The following PHKB variants were observed in gnomAD, a reference collection of about 807,000 sequenced individuals.
The protein encoded by PHKB is phosphorylase b kinase regulatory subunit beta.
A neutral mutation model predicts 152.1 loss-of-function variants in PHKB; 122 were observed. That is an observed-to-expected ratio of 0.80 (90% CI 0.69 to 0.93). The LOEUF is 0.93. PHKB is among the 40% of genes least tolerant of loss of function. PHKB has a pLI of 0.00. For missense variants in PHKB, 1,304 were observed against 1,328.4 expected, an observed-to-expected ratio of 0.98 and a Z score of 0.29; for synonymous variants, 436 against 464.9, an observed-to-expected ratio of 0.94 and a Z score of 0.80.
chr16:47,558,563 G>C (rs1266645212), intron 7 of PHKB, among the ~76,000 whole-genome samples: 2 of 152,020 alleles, frequency 1.3e-5, no homozygotes, highest in Admixed American at 1.3e-4. Context: ...TGTTTTTGTT[G>C]TTTTGAGACA....
chr16:47,589,563 A>G (rs781491874), intron 10 of PHKB, among the ~76,000 whole-genome samples: 8 of 152,146 alleles, frequency 5.3e-5, no homozygotes, highest in Non-Finnish European at 1.0e-4. Context: ...AGGCCATTCC[A>G]TCTTCCCTTA....
intron 1 of PHKB, among the ~76,000 whole-genome samples, chr16:47,489,708 C>A (rs541802573): frequency 1.3e-5 from 2 of 152,144 alleles, no homozygotes; most frequent in African/African-American, 2.4e-5. Context: ...ACAAGAACTG[C>A]GTAGGCAATG....
chr16:47,594,096 T>G, intron 11 of PHKB, 41 bp from the exon 12 acceptor site: 1 of 1,046,532 alleles, frequency 9.6e-7, no homozygotes, highest in Non-Finnish European at 1.5e-6. Context: ...GAGATCCTTA[T>G]TAAGCTCAGC....
intron 1 of PHKB, among the ~76,000 whole-genome samples, chr16:47,493,824 CAAAGTTTA>C (rs1970189268): frequency 6.6e-6 from 1 of 152,052 alleles, no homozygotes. Context: ...TTTCAAAGAC[CAAAGTTTA>C]AACTATAGAA....
intron 20 of PHKB, 129 bp from the exon 21 acceptor site, chr16:47,660,377 T>G (rs1973418461): frequency 1.4e-6 from 1 of 730,934 alleles, no homozygotes; most frequent in Non-Finnish European, 2.4e-6. Flanking sequence ...TAAGAATTGC[T>G]TCAGAATTGT....
intron 16 of PHKB, among the ~76,000 whole-genome samples, chr16:47,647,744 G>A (rs542135647): frequency 8.6e-5 from 13 of 150,798 alleles, no homozygotes; most frequent in South Asian, 2.1e-4. Context: ...TGATCTGCCC[G>A]CCTCGGCTTC....
Position 47,660,764 on chromosome 16 carries a change from TC to T in PHKB, c.2142del (p.Asn715ThrfsTer17). 1 of 1,614,104 alleles carries T rather than the reference TC, an allele frequency of 6.2e-7. No individual in the cohort carries two copies. The highest frequency in any genetic ancestry group is 1.7e-5 in the Admixed American group (1 of 60,022). ...SAPELGQQPD[V>X]NISEWKDKPT... ...CCTGAACTGGGACAGCAGCCGGATG[TC>T]AACATTAGTGAATGGAAGGACAAAC... On this transcript the variant is annotated frameshift_variant, in exon 22 of 31. Coordinates refer to ENST00000323584, the MANE Select transcript of PHKB (RefSeq NM_000293.3). LOFTEE classifies it high-confidence loss of function.
At chr16:47,599,023 T>C in intron 13 of PHKB, 1 of 744,938 alleles carries the variant, frequency 1.3e-6, no homozygotes, top group Non-Finnish European at 2.3e-6. Flanking sequence ...AACGATTCGA[T>C]CAACACATGA....
intron 6 of PHKB, among the ~76,000 whole-genome samples, chr16:47,531,492 G>A (rs972938482): frequency 2.6e-5 from 4 of 152,044 alleles, no homozygotes; most frequent in Admixed American, 6.6e-5. Flanking sequence ...GATACATTGA[G>A]TGTATTTATT....
intron 7 of PHKB, among the ~76,000 whole-genome samples, chr16:47,569,978 C>T (rs918786381): frequency 1.3e-5 from 2 of 152,176 alleles, no homozygotes; most frequent in Non-Finnish European, 2.9e-5. Context: ...TAGAGCTGGC[C>T]TACTGGTGAC....
chr16:47,576,645 G>A (rs543877764), intron 7 of PHKB, among the ~76,000 whole-genome samples: 4 of 152,218 alleles, frequency 2.6e-5, no homozygotes, highest in East Asian at 1.9e-4. Context: ...CAACTCTGGC[G>A]CATACACATT....
chr16:47,507,317 A>AT (rs376295915), intron 4 of PHKB, among the ~76,000 whole-genome samples: 283 of 148,000 alleles, frequency 1.9e-3, no homozygotes, highest in Middle Eastern at 7.1e-3. Flanking sequence ...AAGGATTATC[A>AT]TTTTTTTTTT....
rs562357382 is a variant in PHKB, at chr16:47,625,941, C to T, written c.1458+15021C>T. 3.5e-3 allele frequency among the ~76,000 whole-genome samples: 537 copies of T among 152,246 alleles called. 1 individual carries two copies. Among genetic ancestry groups the T allele is most frequent in the Non-Finnish European group, 6.1e-3 (414 of 68,026 alleles). ...CCCTCAAAGTACCCATTAAGAGCAT[C>T]GTATTTAATATCCTACTGAAGTCCT... On this transcript the variant is annotated intron_variant, in intron 14 of 30. Coordinates refer to ENST00000323584, the MANE Select transcript of PHKB (RefSeq NM_000293.3).
chr16:47,490,156 G>C (rs1407851916), intron 1 of PHKB, among the ~76,000 whole-genome samples: 1 of 152,146 alleles, frequency 6.6e-6, no homozygotes, highest in African/African-American at 2.4e-5. Context: ...GAACATTTCA[G>C]CTCTTCATGA....
intron 13 of PHKB, chr16:47,599,095 G>A (rs879509247): frequency 1.1e-4 from 60 of 557,170 alleles, no homozygotes; most frequent in Middle Eastern, 4.4e-4. Flanking sequence ...TGTTATTTCC[G>A]TCTCACTAGC....
chr16:47,547,368 C>A, intron 6 of PHKB, 65 bp from the exon 7 acceptor site: 1 of 974,100 alleles, frequency 1.0e-6, no homozygotes, highest in Non-Finnish European at 1.6e-6. Context: ...CAGGCATGAG[C>A]CACCACACCC....
chr16:47,555,145 G>T (rs1439545421), intron 7 of PHKB, among the ~76,000 whole-genome samples: 2 of 152,136 alleles, frequency 1.3e-5, no homozygotes, highest in African/African-American at 4.8e-5. Context: ...ATTACTTAAG[G>T]TAACTACTTA....
chr16:47,589,735 C>G (rs138760155), intron 10 of PHKB, among the ~76,000 whole-genome samples: 160 of 152,294 alleles, frequency 1.1e-3, no homozygotes, highest in Non-Finnish European at 1.6e-3. Flanking sequence ...AAGTCATGCA[C>G]ATTGCTGAAG....
At chr16:47,528,602 A>G (rs1219994272) in intron 6 of PHKB, among the ~76,000 whole-genome samples, 1 of 152,046 alleles carries the variant, frequency 6.6e-6, no homozygotes, top group Non-Finnish European at 1.5e-5. Flanking sequence ...GAGAATGTAA[A>G]TGAGTCATGG....
Sources: gnomAD v4.1 joint callset for allele counts (sites outside exome capture counted in the v4.1 genomes callset) on GRCh38, gnomAD v4.1.1 for gene constraint, MANE v1.5 for transcripts, NCBI Gene and HGNC (gene_info 2026-07-23, HGNC 2026-07-21) for gene names.